Variants in FDFT1 observed in about 807,000 individuals in gnomAD.
FDFT1 encodes farnesyl-diphosphate farnesyltransferase 1, also known as squalene synthase.
FDFT1 carries 68 observed loss-of-function variants against 46.8 expected under a neutral mutation model. The ratio of observed to expected loss-of-function variants is 1.45; its 90% CI spans 1.19 to 1.78. The LOEUF (loss-of-function observed/expected upper bound fraction) is 1.78, where lower values mean the gene tolerates loss of function less well. Ranked by LOEUF, FDFT1 falls within the 40% of genes most tolerant of loss-of-function variation. The pLI, the probability that FDFT1 is intolerant of heterozygous loss-of-function variation, is 0.00. For synonymous variants in FDFT1, 351 were observed against 185.1 expected, an observed-to-expected ratio of 1.90 and a Z score of -7.28; for missense variants, 928 against 524.4, an observed-to-expected ratio of 1.77 and a Z score of -7.52.
rs781132495 is a variant in FDFT1, at chr8:11,826,174, C to G, written c.661C>G (p.Leu221Val). The change falls in exon 5 of 8, where the codon CTG becomes GTG. Residue 221 changes from leucine to valine, a missense_variant. Leu to Val is a conservative substitution (Grantham distance 32). Transcript: ENST00000220584. ...LQKTNIIRDY[L>V]EDQQGGREFW... ...GAAAACAAACATCATCCGTGACTAT[C>G]TGGAAGACCAGCAAGGAGGAAGAGA... The G allele has an allele frequency of 3.8e-6, 6 of 1,589,796 alleles. No homozygotes were observed. Among genetic ancestry groups the G allele is most frequent in the Non-Finnish European group, 5.2e-6 (6 of 1,162,194 alleles).
upstream of FDFT1, among the ~76,000 whole-genome samples, chr8:11,798,746 A>G (rs59699307): frequency 0.18 from 27,790 of 152,230 alleles, 2,598 homozygotes; most frequent in East Asian, 0.33. Context: ...TGAGCACCCA[A>G]TAAATATTCA....
chr8:11,832,543 C>A (rs1810944756), intron 7 of FDFT1, among the ~76,000 whole-genome samples: 1 of 33,720 alleles, frequency 3.0e-5, no homozygotes, highest in Non-Finnish European at 7.7e-5. Context: ...TAGAGTGAGA[C>A]TTTGTCTCAA....
chr8:11,808,980 C>T (rs1807317688), intron 2 of FDFT1, 89 bp downstream of exon 2: 18 of 1,526,740 alleles, frequency 1.2e-5, no homozygotes, highest in Admixed American at 2.0e-5. Context: ...ATATAGCGCT[C>T]AGCGTTGCAG....
At chr8:11,820,192 G>T (rs1030439979) in intron 3 of FDFT1, among the ~76,000 whole-genome samples, 3 of 152,106 alleles carry the variant, frequency 2.0e-5, no homozygotes, top group African/African-American at 7.2e-5. Flanking sequence ...AGCAAATATC[G>T]CGGCCTGATC....
intron 3 of FDFT1, among the ~76,000 whole-genome samples, chr8:11,811,688 G>C (rs1807734151): frequency 6.6e-6 from 1 of 152,254 alleles, no homozygotes; most frequent in Non-Finnish European, 1.5e-5. Context: ...TAGAGTTAGA[G>C]ATTCCATCCT....
chr8:11,836,874 T>C (rs1811611830), intron 7 of FDFT1, among the ~76,000 whole-genome samples: 1 of 152,206 alleles, frequency 6.6e-6, no homozygotes, highest in Non-Finnish European at 1.5e-5. Flanking sequence ...TTGTCTCTAT[T>C]AAAAATGCAA....
At chr8:11,804,244 T>C (rs929562093) in intron 1 of FDFT1, among the ~76,000 whole-genome samples, 24 of 152,246 alleles carry the variant, frequency 1.6e-4, no homozygotes, top group African/African-American at 5.5e-4. Context: ...CTGAGTGCAG[T>C]CAGACCTCAT....
At chr8:11,796,565 G>A (rs1415103225) in intron 1 of FDFT1, among the ~76,000 whole-genome samples, 1 of 152,214 alleles carries the variant, frequency 6.6e-6, no homozygotes, top group Non-Finnish European at 1.5e-5. Context: ...AGGGGAGTGG[G>A]AAGCTTTACG....
At chr8:11,829,426 T>C (rs1391131572) in intron 5 of FDFT1, among the ~76,000 whole-genome samples, 1 of 152,122 alleles carries the variant, frequency 6.6e-6, no homozygotes, top group Non-Finnish European at 1.5e-5. Flanking sequence ...TCCAGGGAGG[T>C]GTAATACACT....
At chr8:11,823,591 T>C (rs746239002) in intron 4 of FDFT1, among the ~76,000 whole-genome samples, 52 of 152,132 alleles carry the variant, frequency 3.4e-4, no homozygotes, top group Non-Finnish European at 8.8e-5. Flanking sequence ...CTTTTTTTTT[T>C]TGAGACAGGG....
chr8:11,834,353 T>C (rs1433880972), intron 7 of FDFT1, among the ~76,000 whole-genome samples: 1 of 152,210 alleles, frequency 6.6e-6, no homozygotes, highest in Non-Finnish European at 1.5e-5. Context: ...TATTTTGGGA[T>C]AGAAATAAAT....
chr8:11,797,677 A>G (rs530852695), upstream of FDFT1, among the ~76,000 whole-genome samples: 8 of 151,850 alleles, frequency 5.3e-5, no homozygotes, highest in South Asian at 1.5e-3. Context: ...AACAAAAAAA[A>G]CGGTGGGGGA....
intron 7 of FDFT1, among the ~76,000 whole-genome samples, chr8:11,836,116 G>A (rs1811505741): frequency 6.6e-6 from 1 of 150,450 alleles, no homozygotes; most frequent in Non-Finnish European, 1.5e-5. Context: ...TTGCACCACT[G>A]CACTCTAGCC....
chr8:11,800,619 G>T (rs1806019165), upstream of FDFT1, among the ~76,000 whole-genome samples: 1 of 152,204 alleles, frequency 6.6e-6, no homozygotes, highest in Non-Finnish European at 1.5e-5. Context: ...ATGACCTAAT[G>T]CTTTCTTGGA....
chr8:11,831,786 TA>T (rs1810840167), intron 7 of FDFT1, 116 bp downstream of exon 7: 1 of 885,336 alleles, frequency 1.1e-6, no homozygotes. Flanking sequence ...TCCTGTGGCC[TA>T]AAGAGACAGG....
rs1037653342 is a variant in FDFT1 at position 11,802,996 on chromosome 8, G to C, written c.99+65G>C. The C allele has an allele frequency of 2.0e-5, 31 of 1,540,838 alleles. No individual in the cohort carries two copies. In the African/African-American group the frequency reaches 3.7e-4, roughly 18 times the overall value. ...GCTCGCTGGGCCGGCCTCAGGGCCT[G>C]AGCGGCCGGGCCCGGATCTGGGGCA... On this transcript the variant is annotated intron_variant, in intron 1 of 7. Transcript: ENST00000220584.
At chr8:11,830,140 C>G (rs982791796) in intron 5 of FDFT1, 104 bp from the exon 6 acceptor site, 3 of 985,874 alleles carry the variant, frequency 3.0e-6, no homozygotes, top group African/African-American at 3.2e-5. Flanking sequence ...GCCACGGCGC[C>G]CAGCCTGTAT....
intron 1 of FDFT1, among the ~76,000 whole-genome samples, chr8:11,807,193 G>T (rs1417711732): frequency 2.0e-5 from 3 of 152,150 alleles, no homozygotes; most frequent in Non-Finnish European, 4.4e-5. Context: ...CCACTCTGCA[G>T]TGTACAATAT....
rs897438208 is a variant in FDFT1 at position 11,809,034 on chromosome 8, G to C, written c.197+143G>C. The C allele has an allele frequency of 2.9e-6, 4 of 1,374,096 alleles. No homozygotes were observed. The African/African-American group carries it at 4.4e-5, about 15-fold the overall frequency. The allele number at this position is 1,374,096 out of a possible 1,614,324, so 85.1% of individuals were successfully genotyped here. A position where few individuals can be genotyped will look rare whatever the true frequency, so the allele number is the denominator to read the frequency against. ...TCCAGAACATAGCCCGGCCCTACGT[G>C]TTTACTTTAGAAAGCCCTTCCAGGC... On this transcript the variant is annotated intron_variant, in intron 2 of 7. Transcript: ENST00000220584.
Sources: gnomAD v4.1 joint callset for allele counts (sites outside exome capture counted in the v4.1 genomes callset) on GRCh38, gnomAD v4.1.1 for gene constraint, MANE v1.5 for transcripts, NCBI Gene and HGNC (gene_info 2026-07-23, HGNC 2026-07-21) for gene names.